The following GRM5 variants were observed in gnomAD, a reference collection of about 807,000 sequenced individuals.
The protein encoded by GRM5 is glutamate metabotropic receptor 5.
Under a neutral mutation model 83.1 loss-of-function variants are expected in GRM5, and 19 were observed. That is an observed-to-expected ratio of 0.23 (90% confidence interval 0.16 to 0.34). The LOEUF (loss-of-function observed/expected upper bound fraction) is 0.34, where lower values mean the gene tolerates loss of function less well. Ranked by LOEUF, GRM5 falls within the 10% of genes least tolerant of loss-of-function variation. The probability of loss-of-function intolerance (pLI) is 1.00; values close to 1 mark genes in which losing one functional copy is unlikely to be tolerated. For missense variants in GRM5, 1,160 were observed against 1,588.3 expected, an observed-to-expected ratio of 0.73 and a Z score of 4.58; for synonymous variants, 675 against 633.6, an observed-to-expected ratio of 1.07 and a Z score of -0.98.
chr11:88,761,645 T>G (rs932534923), intron 3 of GRM5, among the ~76,000 whole-genome samples: 2 of 152,048 alleles, frequency 1.3e-5, no homozygotes, highest in Non-Finnish European at 2.9e-5. Context: ...ATTTATAGAT[T>G]CAATGCTATT....
intron 2 of GRM5, among the ~76,000 whole-genome samples, chr11:88,885,889 C>G (rs1331694988): frequency 6.6e-6 from 1 of 152,130 alleles, no homozygotes; most frequent in Non-Finnish European, 1.5e-5. Flanking sequence ...GAGGACTAGA[C>G]ATTTTCAAGA....
chr11:88,993,692 A>AT (rs1377631797), intron 2 of GRM5, among the ~76,000 whole-genome samples: 2 of 151,680 alleles, frequency 1.3e-5, no homozygotes, highest in Non-Finnish European at 2.9e-5. Context: ...AATTCAGTAA[A>AT]TTTTTTTTCT....
chr11:88,988,557 G>A (rs1477642635), intron 2 of GRM5, among the ~76,000 whole-genome samples: 1 of 151,676 alleles, frequency 6.6e-6, no homozygotes, highest in Admixed American at 6.6e-5. Flanking sequence ...ACACATAACT[G>A]TCAGATTCAC....
chr11:88,798,973 A>T (rs1256841481), intron 3 of GRM5, among the ~76,000 whole-genome samples: 1 of 152,006 alleles, frequency 6.6e-6, no homozygotes, highest in Non-Finnish European at 1.5e-5. Context: ...GGTATAAAGA[A>T]AAAATAAAAG....
At chr11:88,788,100 C>T (rs908943645) in intron 3 of GRM5, among the ~76,000 whole-genome samples, 4 of 152,156 alleles carry the variant, frequency 2.6e-5, no homozygotes, top group Non-Finnish European at 5.9e-5. Context: ...CAGCTAGACA[C>T]ACTGGGCACT....
intron 3 of GRM5, among the ~76,000 whole-genome samples, chr11:88,691,886 T>C (rs1285812905): frequency 2.0e-5 from 3 of 152,212 alleles, no homozygotes; most frequent in Non-Finnish European, 4.4e-5. Flanking sequence ...ATGTAAATTT[T>C]ATAACATGAT....
intron 3 of GRM5, among the ~76,000 whole-genome samples, chr11:88,772,811 G>T (rs1480307547): frequency 6.6e-6 from 1 of 152,078 alleles, no homozygotes; most frequent in African/African-American, 2.4e-5. Flanking sequence ...AGTATTCCAT[G>T]GTGTATATGT....
intron 3 of GRM5, among the ~76,000 whole-genome samples, chr11:88,748,847 C>A (rs183241642): frequency 6.6e-6 from 1 of 152,098 alleles, no homozygotes; most frequent in Admixed American, 6.6e-5. Context: ...ACCACAGCAG[C>A]CCTACAGTAG....
At chr11:88,791,741 A>G (rs1943177263) in intron 3 of GRM5, among the ~76,000 whole-genome samples, 1 of 152,188 alleles carries the variant, frequency 6.6e-6, no homozygotes, top group African/African-American at 2.4e-5. Context: ...AATATTTTAA[A>G]AGCATACAAG....
At chr11:88,615,202 G>A (rs1407467045) in intron 4 of GRM5, among the ~76,000 whole-genome samples, 1 of 151,954 alleles carries the variant, frequency 6.6e-6, no homozygotes, top group African/African-American at 2.4e-5. Flanking sequence ...AGAAGTGCCT[G>A]GTGACTATTT....
chr11:88,715,871 G>A (rs1457886765), intron 3 of GRM5, among the ~76,000 whole-genome samples: 1 of 151,894 alleles, frequency 6.6e-6, no homozygotes, highest in South Asian at 2.1e-4. Flanking sequence ...CATGGTGTTT[G>A]CTGAAAGAAC....
intron 3 of GRM5, among the ~76,000 whole-genome samples, chr11:88,741,228 A>T (rs897567505): frequency 6.6e-6 from 1 of 152,060 alleles, no homozygotes; most frequent in East Asian, 1.9e-4. Flanking sequence ...CATGAAGATA[A>T]TCAGGCAAAC....
intron 2 of GRM5, among the ~76,000 whole-genome samples, chr11:89,002,836 G>C (rs1940422506): frequency 6.6e-6 from 1 of 151,900 alleles, no homozygotes; most frequent in South Asian, 2.1e-4. Context: ...GCCACCTAGG[G>C]AGCACCTTCA....
At chr11:88,803,106 C>A (rs932675984) in intron 3 of GRM5, among the ~76,000 whole-genome samples, 5 of 146,808 alleles carry the variant, frequency 3.4e-5, no homozygotes, top group African/African-American at 1.3e-4. Flanking sequence ...AATGGCCATA[C>A]TGCCCAAGGT....
At chr11:88,783,979 C>T (rs1943021568) in intron 3 of GRM5, among the ~76,000 whole-genome samples, 1 of 151,996 alleles carries the variant, frequency 6.6e-6, no homozygotes, top group Admixed American at 6.6e-5. Context: ...CAGTGGAGTA[C>T]TGATGACAGC....
At chr11:88,796,252 T>A (rs1943271538) in intron 3 of GRM5, among the ~76,000 whole-genome samples, 2 of 152,180 alleles carry the variant, frequency 1.3e-5, no homozygotes, top group Non-Finnish European at 2.9e-5. Flanking sequence ...GCAATTAGCA[T>A]TCTGTTATAT....
At chr11:88,706,942 T>C (rs1941173726) in intron 3 of GRM5, among the ~76,000 whole-genome samples, 1 of 152,108 alleles carries the variant, frequency 6.6e-6, no homozygotes, top group African/African-American at 2.4e-5. Context: ...TTATTGCTGA[T>C]TGACATGTAC....
At chr11:88,848,088 T>A (rs1944327841) in intron 3 of GRM5, among the ~76,000 whole-genome samples, 1 of 152,130 alleles carries the variant, frequency 6.6e-6, no homozygotes, top group Non-Finnish European at 1.5e-5. Flanking sequence ...AAAGCTAGAT[T>A]TTTTTTCTTT....
At chr11:88,946,498 AT>A in intron 2 of GRM5, among the ~76,000 whole-genome samples, 1 of 152,200 alleles carries the variant, frequency 6.6e-6, no homozygotes, top group Non-Finnish European at 1.5e-5. Flanking sequence ...GCCCATTAAA[AT>A]TATGTTCTTT....
Sources: gnomAD v4.1 joint callset for allele counts (sites outside exome capture counted in the v4.1 genomes callset) on GRCh38, gnomAD v4.1.1 for gene constraint, MANE v1.5 for transcripts, NCBI Gene and HGNC (gene_info 2026-07-23, HGNC 2026-07-21) for gene names.